The following DOCK2 variants were observed in gnomAD, a reference collection of about 807,000 sequenced individuals.
DOCK2 encodes the protein dedicator of cytokinesis protein 2.
In DOCK2, 87 loss-of-function variants were observed where a neutral mutation model predicts 248.9. The ratio of observed to expected loss-of-function variants is 0.35; its 90% CI spans 0.29 to 0.42. The LOEUF is 0.42. Ranked by LOEUF, DOCK2 falls within the 10% of genes least tolerant of loss-of-function variation. The pLI, the probability that DOCK2 is intolerant of heterozygous loss-of-function variation, is 1.00. For synonymous variants in DOCK2, 805 were observed against 821.6 expected, an observed-to-expected ratio of 0.98 and a Z score of 0.35; for missense variants, 1,747 against 2,300.2, an observed-to-expected ratio of 0.76 and a Z score of 4.92.
chr5:169,804,502 G>C (rs1005080004), intron 26 of DOCK2, among the ~76,000 whole-genome samples: 7 of 40,536 alleles, frequency 1.7e-4, no homozygotes, highest in African/African-American at 3.0e-4. Flanking sequence ...GCGCGTGCGC[G>C]TAAGCATTTT....
chr5:169,712,041 C>A, intron 16 of DOCK2, 34 bp downstream of exon 16: 1 of 1,613,964 alleles, frequency 6.2e-7, no homozygotes, highest in Non-Finnish European at 8.5e-7. Flanking sequence ...CTCTGCACCT[C>A]CCCCTAAGGG....
intron 10 of DOCK2, 96 bp downstream of exon 10, chr5:169,696,034 GCCCCCA>G: frequency 6.9e-7 from 1 of 1,441,188 alleles, no homozygotes; most frequent in Non-Finnish European, 9.1e-7. Flanking sequence ...GCCTCCTGCT[GCCCCCA>G]CCCCTGCAAA....
chr5:169,745,488 GC>G (rs2113682351), intron 22 of DOCK2, among the ~76,000 whole-genome samples: 1 of 152,304 alleles, frequency 6.6e-6, no homozygotes, highest in East Asian at 1.9e-4. Context: ...TTTACACTTT[GC>G]CCAAGGCTTG....
Position 169,865,862 on chromosome 5 carries a change from G to A in DOCK2, c.2799+25010G>A, listed in dbSNP as rs999179367. Reference sequence around the variant, plus strand: ...GGGCTGGAAAACAGCTGTCATTAAAGGGACATCTGCCCTTGCTTACTCTCC... The same window carrying A: ...GGGCTGGAAAACAGCTGTCATTAAAAGGACATCTGCCCTTGCTTACTCTCC... On this transcript the variant is annotated intron_variant, in intron 27 of 51. Coordinates refer to ENST00000520908, the MANE Select transcript of DOCK2 (RefSeq NM_004946.3). Among the ~76,000 whole-genome samples, 8 of 152,358 alleles carry A rather than the reference G, an allele frequency of 5.3e-5. 1 individual carries two copies. Among genetic ancestry groups the A allele is most frequent in the African/African-American group, 9.6e-5 (4 of 41,594 alleles).
intron 43 of DOCK2, 141 bp downstream of exon 43, chr5:170,056,909 C>T (rs371900411): frequency 5.4e-5 from 38 of 709,614 alleles, no homozygotes; most frequent in African/African-American, 1.6e-4. Flanking sequence ...CCATGACGTC[C>T]GTTCCCCAAT....
At chr5:169,655,005 G>A (rs1758025301) in intron 2 of DOCK2, among the ~76,000 whole-genome samples, 1 of 152,246 alleles carries the variant, frequency 6.6e-6, no homozygotes, top group Non-Finnish European at 1.5e-5. Context: ...CCATTGCCTT[G>A]TGAAGCCAGG....
At chr5:169,818,255 C>A (rs539641729) in intron 26 of DOCK2, among the ~76,000 whole-genome samples, 3 of 152,322 alleles carry the variant, frequency 2.0e-5, no homozygotes, top group South Asian at 4.1e-4. Context: ...CCCAGCTTTA[C>A]GATGTCTGTT....
intron 27 of DOCK2, chr5:169,864,474 G>C: frequency 1.4e-5 from 21 of 1,507,816 alleles, no homozygotes; most frequent in Non-Finnish European, 1.9e-5. Context: ...AAAACACAGA[G>C]AGGAAGGAAG....
rs1018090120 is a variant in DOCK2 at position 169,674,379 on chromosome 5, C to A, written c.404C>A (p.Thr135Asn). Residue 135 changes from threonine to asparagine, a missense_variant, in exon 6 of 52, where the codon ACC becomes AAC. Physicochemically the swap from Thr to Asn is moderately conservative, Grantham distance 65. Transcript: ENST00000520908. Reference sequence around the variant, plus strand: ...TGGAGGTCCCAGCTTCTCTCAGGAACCTTACCCAAGGATGAGCTGAAGGAA... The same window carrying A: ...TGGAGGTCCCAGCTTCTCTCAGGAAACTTACCCAAGGATGAGCTGAAGGAA... ...MEWRSQLLSG[T>N]LPKDELKELK... The A allele has an allele frequency of 1.2e-6, 2 of 1,614,166 alleles. No homozygotes were observed. The highest frequency in any genetic ancestry group is 1.7e-6 in the Non-Finnish European group (2 of 1,180,008).
Position 169,747,518 on chromosome 5 carries a change from A to G in DOCK2, c.2376+14A>G, listed in dbSNP as rs774484523. 6.2e-7 allele frequency: 1 copy of G among 1,600,874 alleles called. No homozygotes were observed. ...ATCCTTTTGCAGGTTGGTTTATGCTACAATAAAATCTATCTTCTCCTTGGC... is the reference window on the plus strand; with the variant it reads ...ATCCTTTTGCAGGTTGGTTTATGCTGCAATAAAATCTATCTTCTCCTTGGC... On this transcript the variant is annotated intron_variant, in intron 23 of 51. Coordinates refer to ENST00000520908, the MANE Select transcript of DOCK2 (RefSeq NM_004946.3).
At chr5:169,693,178 A>C (rs1173585436) in intron 9 of DOCK2, among the ~76,000 whole-genome samples, 1 of 152,166 alleles carries the variant, frequency 6.6e-6, no homozygotes, top group Non-Finnish European at 1.5e-5. Context: ...TGAAGGAAGG[A>C]GGATTCAAGT....
chr5:169,722,678 A>G (rs962721627), intron 22 of DOCK2, among the ~76,000 whole-genome samples: 6 of 152,236 alleles, frequency 3.9e-5, no homozygotes, highest in African/African-American at 1.4e-4. Flanking sequence ...AAAGTGCTCC[A>G]TGCAATATCT....
intron 40 of DOCK2, 124 bp downstream of exon 40, chr5:170,047,738 C>T: frequency 2.6e-6 from 2 of 782,534 alleles, no homozygotes; most frequent in Admixed American, 2.9e-5. Flanking sequence ...CTGAGTGCTG[C>T]CCCCATCCCC....
intron 3 of DOCK2, 79 bp downstream of exon 3, chr5:169,669,407 C>T: frequency 6.7e-7 from 1 of 1,485,874 alleles, no homozygotes; most frequent in Admixed American, 1.7e-5. Context: ...GCAGGTCTCT[C>T]CCACCATTGC....
At chr5:169,670,633 T>G (rs1476089896) in intron 4 of DOCK2, 36 bp downstream of exon 4, 1 of 1,608,078 alleles carries the variant, frequency 6.2e-7, no homozygotes, top group Non-Finnish European at 8.5e-7. Flanking sequence ...GAGCCTCCAG[T>G]GGCTCATGGA....
At chr5:170,059,551 T>C (rs1030421255) in intron 44 of DOCK2, among the ~76,000 whole-genome samples, 13 of 152,202 alleles carry the variant, frequency 8.5e-5, no homozygotes, top group African/African-American at 2.7e-4. Flanking sequence ...TATCTCCTAA[T>C]AGCCTACATA....
At chr5:169,809,501 C>T (rs1435628761) in intron 26 of DOCK2, among the ~76,000 whole-genome samples, 1 of 152,200 alleles carries the variant, frequency 6.6e-6, no homozygotes, top group African/African-American at 2.4e-5. Flanking sequence ...CGCTCTGCCC[C>T]CAGGCAGAAT....
In DOCK2 at chr5:170,019,063, C is replaced by T. The variant is rs1038247094; in HGVS notation, c.3336C>T (p.Phe1112=). The change falls in exon 33 of 52, where the codon TTC becomes TTT. Residue 1112 remains phenylalanine, a synonymous_variant. Transcript: ENST00000520908. ...ELRKATIPIF[F]DMMLCEYQRS... Reference sequence around the variant, plus strand: ...GGAAAGCCACCATACCAATCTTCTTCGACATGATGCTGTGTGAATATCAAA... The same window carrying T: ...GGAAAGCCACCATACCAATCTTCTTTGACATGATGCTGTGTGAATATCAAA... The T allele has an allele frequency of 1.2e-5, 19 of 1,613,924 alleles. No homozygotes were observed. The highest frequency in any genetic ancestry group is 3.3e-5 in the Admixed American group (2 of 59,966).
chr5:169,877,238 A>C (rs989791133), intron 27 of DOCK2, among the ~76,000 whole-genome samples: 1 of 152,218 alleles, frequency 6.6e-6, no homozygotes, highest in Non-Finnish European at 1.5e-5. Context: ...AGACTACCTG[A>C]ATCAGGACAA....
Sources: allele counts gnomAD v4.1 joint callset (sites outside exome capture counted in the v4.1 genomes callset), GRCh38; gene constraint gnomAD v4.1.1; transcripts MANE v1.5; gene names NCBI Gene and HGNC (gene_info 2026-07-23, HGNC 2026-07-21).